The following KTN1 variants were observed in gnomAD, a reference collection of about 807,000 sequenced individuals.
KTN1 encodes kinectin.
A neutral mutation model predicts 222.5 loss-of-function variants in KTN1; 130 were observed. The observed-to-expected ratio is 0.58, with a 90% CI of 0.51 to 0.68. KTN1 has a LOEUF of 0.68. Among genes scored for constraint, KTN1 ranks in the 30% least tolerant of loss-of-function variants. KTN1 has a pLI of 0.00. For missense variants in KTN1, 1,508 were observed against 1,500.4 expected, an observed-to-expected ratio of 1.01 and a Z score of -0.08; for synonymous variants, 512 against 496.3, an observed-to-expected ratio of 1.03 and a Z score of -0.42.
chr14:55,660,878 A>G (rs376238201), intron 31 of KTN1, among the ~76,000 whole-genome samples: 1 of 152,194 alleles, frequency 6.6e-6, no homozygotes, highest in Non-Finnish European at 1.5e-5. Flanking sequence ...CCATAGCCCT[A>G]GTTTGCCAGC....
intron 1 of KTN1, among the ~76,000 whole-genome samples, chr14:55,584,300 C>G (rs1475116369): frequency 6.6e-6 from 1 of 152,216 alleles, no homozygotes; most frequent in African/African-American, 2.4e-5. Flanking sequence ...ATATCAGACA[C>G]TGCCCTAAAC....
intron 15 of KTN1, 117 bp downstream of exon 15, chr14:55,640,559 A>G (rs1316820122): frequency 1.5e-6 from 1 of 683,216 alleles, no homozygotes; most frequent in African/African-American, 1.8e-5. Flanking sequence ...ATGGTTTATC[A>G]TCTTTGGCTG....
At chr14:55,582,301 C>T (rs2031865806) in intron 1 of KTN1, among the ~76,000 whole-genome samples, 1 of 152,146 alleles carries the variant, frequency 6.6e-6, no homozygotes. Context: ...AAAAATGCCT[C>T]ACTTCAGTCT....
chr14:55,624,008 T>G (rs2039483787), intron 5 of KTN1, among the ~76,000 whole-genome samples: 2 of 152,202 alleles, frequency 1.3e-5, no homozygotes, highest in Non-Finnish European at 2.9e-5. Flanking sequence ...TGGAAGAAGT[T>G]GGAAACTATT....
At chr14:55,622,662 T>G (rs1428834541) in intron 5 of KTN1, among the ~76,000 whole-genome samples, 1 of 152,216 alleles carries the variant, frequency 6.6e-6, no homozygotes, top group Non-Finnish European at 1.5e-5. Flanking sequence ...TAATTTTTTC[T>G]TATACTAGTC....
Position 55,684,150 on chromosome 14 carries a change from A to G in KTN1, c.*47A>G. The G allele has an allele frequency of 2.0e-6, 3 of 1,517,712 alleles. No individual in the cohort carries two copies. The highest frequency in any genetic ancestry group is 2.7e-6 in the Non-Finnish European group (3 of 1,105,452). The allele number at this position is 1,517,712 out of a possible 1,614,324, so 94.0% of individuals were successfully genotyped here. A position where few individuals can be genotyped will look rare whatever the true frequency, so the allele number is the denominator to read the frequency against. On this transcript the variant is annotated 3_prime_UTR_variant, in exon 44 of 44. Coordinates refer to ENST00000395314, the MANE Select transcript of KTN1 (RefSeq NM_001079521.2). ...TTGAGGATAAAAAAGGCATTGTATT[A>G]TATTTTGCCAAATTAAAGCCTTATT...
At chr14:55,653,973 A>C (rs1255688045) in intron 28 of KTN1, among the ~76,000 whole-genome samples, 1 of 152,196 alleles carries the variant, frequency 6.6e-6, no homozygotes, top group African/African-American at 2.4e-5. Context: ...ACCAAAAGAT[A>C]ATCTTAGCCA....
intron 1 of KTN1, among the ~76,000 whole-genome samples, chr14:55,589,426 C>A (rs112238223): frequency 0.06 from 9,170 of 151,918 alleles, 383 homozygotes; most frequent in South Asian, 0.089. Flanking sequence ...AGCGATTCTA[C>A]TGCCTCCTGA....
chr14:55,614,135 T>C (rs1285890765), intron 2 of KTN1, among the ~76,000 whole-genome samples: 6 of 152,192 alleles, frequency 3.9e-5, no homozygotes, highest in Non-Finnish European at 8.8e-5. Context: ...TAGCAGTGGC[T>C]AGATCATGGT....
intron 1 of KTN1, among the ~76,000 whole-genome samples, chr14:55,605,948 C>T (rs2036662500): frequency 6.6e-6 from 1 of 151,706 alleles, no homozygotes. Flanking sequence ...AAAAGATTAA[C>T]TTGTCTGTTT....
intron 41 of KTN1, 110 bp downstream of exon 41, chr14:55,676,028 TA>T: frequency 3.0e-6 from 2 of 658,936 alleles, no homozygotes; most frequent in Non-Finnish European, 5.1e-6. Flanking sequence ...ATCATAATAT[TA>T]ACCTTTTATA....
intron 1 of KTN1, among the ~76,000 whole-genome samples, chr14:55,589,700 C>G (rs1280450351): frequency 2.1e-5 from 3 of 144,418 alleles, no homozygotes; most frequent in Non-Finnish European, 4.5e-5. Context: ...TCTCTGTCGC[C>G]CAGGCTGGAG....
chr14:55,671,194 C>T (rs900077505), intron 35 of KTN1: 1 of 247,216 alleles, frequency 4.0e-6, no homozygotes, highest in Non-Finnish European at 7.6e-6. Context: ...GGTTTTTATC[C>T]TTGGCTACTG....
Position 55,684,335 on chromosome 14 carries a change from C to G in KTN1, c.*232C>G. 2.6e-6 allele frequency: 1 copy of G among 387,616 alleles called. No individual in the cohort carries two copies. The highest frequency in any genetic ancestry group is 4.6e-6 in the Non-Finnish European group (1 of 218,316). 24.0% of individuals were successfully genotyped at this position (387,616 alleles called of 1,614,324 possible). On this transcript the variant is annotated 3_prime_UTR_variant, in exon 44 of 44. Coordinates refer to ENST00000395314, the MANE Select transcript of KTN1 (RefSeq NM_001079521.2). ...ATAAAAACTGTTTGAATAATTAGAC[C>G]TTTACATTCCTGAAGATAAACATGT...
intron 13 of KTN1, 71 bp from the exon 14 acceptor site, chr14:55,639,841 TA>T: frequency 1.0e-6 from 1 of 962,978 alleles, no homozygotes; most frequent in Non-Finnish European, 1.6e-6. Context: ...TGATGCTTTT[TA>T]AGGCTTTAAA....
intron 31 of KTN1, among the ~76,000 whole-genome samples, chr14:55,660,315 C>A (rs972630505): frequency 2.0e-5 from 3 of 151,214 alleles, no homozygotes; most frequent in African/African-American, 7.3e-5. Context: ...GAAGTTCGCA[C>A]CATTGCACTC....
chr14:55,641,840 A>G, intron 18 of KTN1, 80 bp downstream of exon 18: 1 of 895,598 alleles, frequency 1.1e-6, no homozygotes, highest in East Asian at 2.4e-5. Flanking sequence ...GTACCAAATT[A>G]CTAATTGAGA....
Position 55,612,902 on chromosome 14 carries a change from GAAA to G in KTN1, c.523+341_523+343del, listed in dbSNP as rs55992309. Among the ~76,000 whole-genome samples, 92 of 148,784 alleles carry G rather than the reference GAAA, an allele frequency of 6.2e-4. No individual in the cohort carries two copies. The East Asian group carries it at 6.5e-3, about 11-fold the overall frequency. On this transcript the variant is annotated intron_variant, in intron 2 of 43. Transcript: ENST00000395314. ...ACCTCATCTCTACAAGAAATTAAAA[GAAA>G]AAAAAAAAACCCCATACATCTTATA...
intron 1 of KTN1, among the ~76,000 whole-genome samples, chr14:55,597,094 A>G (rs2140423000): frequency 6.6e-6 from 1 of 152,290 alleles, no homozygotes; most frequent in East Asian, 1.9e-4. Context: ...AGAACTCACA[A>G]GGACCACCTA....
Sources: gnomAD v4.1 joint callset for allele counts (sites outside exome capture counted in the v4.1 genomes callset) on GRCh38, gnomAD v4.1.1 for gene constraint, MANE v1.5 for transcripts, NCBI Gene and HGNC (gene_info 2026-07-23, HGNC 2026-07-21) for gene names.